Variants in PBRM1 observed in about 807,000 individuals in gnomAD.
The protein encoded by PBRM1 is polybromo 1.
PBRM1 carries 27 observed loss-of-function variants against 194.5 expected under a neutral mutation model. The observed-to-expected ratio is 0.14, with a 90% CI of 0.10 to 0.19. PBRM1 has a LOEUF of 0.19. Among genes scored for constraint, PBRM1 ranks in the 10% least tolerant of loss-of-function variants. PBRM1 has a pLI of 1.00. For missense variants in PBRM1, 1,466 were observed against 2,077.2 expected (o/e 0.71, Z 5.72); for synonymous variants, 655 against 693.2 (o/e 0.94, Z 0.87).
intron 27 of PBRM1, among the ~76,000 whole-genome samples, chr3:52,553,834 G>A (rs183944592): frequency 6.6e-6 from 1 of 152,082 alleles, no homozygotes; most frequent in Admixed American, 6.5e-5. Flanking sequence ...GCTAATTTTT[G>A]TATTTTTAGT....
At chr3:52,672,860 T>C (rs1462893931) in intron 2 of PBRM1, among the ~76,000 whole-genome samples, 3 of 152,042 alleles carry the variant, frequency 2.0e-5, no homozygotes, top group Non-Finnish European at 4.4e-5. Context: ...ATGTTCTAGT[T>C]AGGGGAACAT....
At chr3:52,571,556 G>T (rs1387631565) in intron 22 of PBRM1, among the ~76,000 whole-genome samples, 41 of 149,390 alleles carry the variant, frequency 2.7e-4, no homozygotes, top group African/African-American at 9.2e-4. Context: ...AACCCAGGAG[G>T]TGGAGGTTGC....
intron 2 of PBRM1, among the ~76,000 whole-genome samples, 163 bp from the exon 4 acceptor site, chr3:52,668,808 T>C (rs74854246): frequency 5.3e-5 from 7 of 133,188 alleles, no homozygotes; most frequent in Non-Finnish European, 1.6e-5. Context: ...AAGAAAAAAA[T>C]CTGCAAAAAA....
chr3:52,624,140 T>C (rs563867526), intron 13 of PBRM1, among the ~76,000 whole-genome samples: 3 of 152,328 alleles, frequency 2.0e-5, no homozygotes, highest in Non-Finnish European at 2.9e-5. Context: ...AACTGCTTAG[T>C]AGTGTACCTT....
At chr3:52,546,951 T>A, downstream of PBRM1, 1 of 233,164 alleles carries the variant, frequency 4.3e-6, no homozygotes, top group African/African-American at 2.2e-5. Flanking sequence ...AAAAAATACA[T>A]CTGATAATAA....
intron 2 of PBRM1, among the ~76,000 whole-genome samples, chr3:52,670,157 T>C (rs1363230473): frequency 4.6e-5 from 7 of 152,210 alleles, no homozygotes; most frequent in Admixed American, 1.3e-4. Flanking sequence ...AATGAGAACA[T>C]GTGCCTAGAA....
At chr3:52,600,003 T>C (rs1320475746) in intron 17 of PBRM1, among the ~76,000 whole-genome samples, 3 of 152,194 alleles carry the variant, frequency 2.0e-5, no homozygotes, top group Non-Finnish European at 2.9e-5. Context: ...ATTTCAGTGA[T>C]ATTAATTACA....
chr3:52,664,435 A>C (rs1445445902), intron 3 of PBRM1, among the ~76,000 whole-genome samples: 4 of 136,620 alleles, frequency 2.9e-5, no homozygotes, highest in Non-Finnish European at 6.5e-5. Context: ...AAAAAAGATT[A>C]TCTAAAAAGC....
At chr3:52,571,272 G>A (rs1258270508) in intron 22 of PBRM1, among the ~76,000 whole-genome samples, 1 of 147,786 alleles carries the variant, frequency 6.8e-6, no homozygotes, top group Non-Finnish European at 1.5e-5. Flanking sequence ...GCAGTGAGCC[G>A]AGATTGTGCC....
intron 20 of PBRM1, among the ~76,000 whole-genome samples, chr3:52,584,538 C>T (rs1248154774): frequency 6.9e-6 from 1 of 144,538 alleles, no homozygotes; most frequent in Non-Finnish European, 1.5e-5. Context: ...TTACTGCAGC[C>T]TCTACCTCCT....
At chr3:52,681,580 G>T, upstream of PBRM1, 1 of 224,300 alleles carries the variant, frequency 4.5e-6, no homozygotes, top group Non-Finnish European at 7.7e-6. Context: ...AAGTGAATTT[G>T]ATGAACATAA....
intron 1 of PBRM1, 101 bp from the exon 3 acceptor site, chr3:52,678,698 G>A: frequency 1.5e-6 from 1 of 663,654 alleles, no homozygotes; most frequent in Non-Finnish European, 2.6e-6. Context: ...GGCAAGTAGA[G>A]AAGAAAAATG....
At chr3:52,606,027 TCTCA>T (rs1171407947) in intron 16 of PBRM1, among the ~76,000 whole-genome samples, 2 of 151,884 alleles carry the variant, frequency 1.3e-5, no homozygotes, top group Admixed American at 6.6e-5. Context: ...TGAGACACAG[TCTCA>T]CTCTGCTGCC....
chr3:52,596,548 G>A (rs2093580620), intron 17 of PBRM1, among the ~76,000 whole-genome samples: 1 of 145,880 alleles, frequency 6.9e-6, no homozygotes. Context: ...GGGCTCTTTA[G>A]TCAGCAGGTG....
intron 21 of PBRM1, 134 bp from the exon 24 acceptor site, chr3:52,576,832 C>A (rs1575926348): frequency 1.9e-6 from 1 of 519,322 alleles, no homozygotes; most frequent in Admixed American, 4.1e-5. Context: ...TTTGGTAAGA[C>A]AACTTCATTA....
chr3:52,605,882 T>C (rs1395412417), intron 16 of PBRM1, among the ~76,000 whole-genome samples: 2 of 152,096 alleles, frequency 1.3e-5, no homozygotes, highest in Non-Finnish European at 2.9e-5. Flanking sequence ...GGATTACAGG[T>C]GTGAGCCACT....
intron 6 of PBRM1, among the ~76,000 whole-genome samples, 172 bp downstream of exon 7, chr3:52,651,570 C>T (rs1300886192): frequency 6.6e-6 from 1 of 152,068 alleles, no homozygotes; most frequent in East Asian, 1.9e-4. Context: ...AATTTTTGTC[C>T]TAAGATGCAA....
Position 52,554,971 on chromosome 3 carries a change from A to C in PBRM1, c.4454-92T>G, listed in dbSNP as rs1056077339. The C allele has an allele frequency of 2.1e-5, 20 of 963,518 alleles. No individual in the cohort carries two copies. The African/African-American group carries it at 2.9e-4, about 14-fold the overall frequency. The allele number at this position is 963,518 out of a possible 1,614,324, so 59.7% of individuals were successfully genotyped here. A position where few individuals can be genotyped will look rare whatever the true frequency, so the allele number is the denominator to read the frequency against. On this transcript the variant is annotated intron_variant, in intron 26 of 29. Transcript: ENST00000296302. ...CAACCCCCACATGCACTACCAATGA[A>C]TAAAGCACCCTTAGTACTGCATGAT...
chr3:52,562,027 A>C, intron 24 of PBRM1, 59 bp from the exon 27 acceptor site: 1 of 1,419,744 alleles, frequency 7.0e-7, no homozygotes, highest in African/African-American at 1.4e-5. Context: ...AACTGCTCAA[A>C]ATTTCAGAAG....
Sources: allele counts gnomAD v4.1 joint callset (sites outside exome capture counted in the v4.1 genomes callset), GRCh38; gene constraint gnomAD v4.1.1; transcripts MANE v1.5; gene names NCBI Gene and HGNC (gene_info 2026-07-23, HGNC 2026-07-21).